The following PCNT variants were observed in gnomAD, a reference collection of about 807,000 sequenced individuals.
PCNT encodes kendrin.
Under a neutral mutation model 380.4 loss-of-function variants are expected in PCNT, and 319 were observed. The ratio of observed to expected loss-of-function variants is 0.84; its 90% CI spans 0.77 to 0.92. The LOEUF is 0.92. PCNT is among the 40% of genes least tolerant of loss of function. The pLI, the probability that PCNT is intolerant of heterozygous loss-of-function variation, is 0.00. For missense variants in PCNT, 4,400 were observed against 4,255.3 expected, an observed-to-expected ratio of 1.03 and a Z score of -0.95; for synonymous variants, 1,845 against 1,735.2, an observed-to-expected ratio of 1.06 and a Z score of -1.57.
intron 15 of PCNT, among the ~76,000 whole-genome samples, chr21:46,379,112 T>C (rs1476273640): frequency 6.6e-6 from 1 of 152,214 alleles, no homozygotes; most frequent in Non-Finnish European, 1.5e-5. Context: ...CTTTTGTTTT[T>C]GTGGGAATGT....
intron 6 of PCNT, 43 bp downstream of exon 6, chr21:46,347,555 G>C (rs1205604935): frequency 6.3e-7 from 1 of 1,593,714 alleles, no homozygotes; most frequent in Admixed American, 1.7e-5. Flanking sequence ...TGTGTATGTT[G>C]TTTTTCCTTT....
At chr21:46,391,514 T>G (rs1406614575) in intron 21 of PCNT, 138 bp downstream of exon 21, 2 of 716,424 alleles carry the variant, frequency 2.8e-6, no homozygotes, top group Admixed American at 2.7e-5. Context: ...CCTGGAACAC[T>G]GGGCATGGGA....
Position 46,441,064 on chromosome 21 carries a change from G to A in PCNT, c.9603G>A (p.Arg3201=). The A allele has an allele frequency of 6.2e-7, 1 of 1,612,680 alleles. No homozygotes were observed. The highest frequency in any genetic ancestry group is 8.5e-7 in the Non-Finnish European group (1 of 1,178,640). The part of the protein sequence containing the change: ...RPFTRFRTAV[R]VVIAILRLRF... The stretch of plus-strand genomic sequence containing the variant: ...TCACCAGGTTCCGCACGGCCGTCAG[G>A]GTGGTCATTGCAATATTAAGGTAAA... The change falls in exon 43 of 47, where the codon AGG becomes AGA. Residue 3201 remains arginine, a synonymous_variant. Transcript: ENST00000359568.
rs758836598 is a variant in PCNT, at chr21:46,431,832, C to T, written c.8368C>T (p.Leu2790=). The part of the protein sequence containing the change: ...VHQDTQAHHA[L]LQKLKEEKSR... ...CCAGGACACACAGGCCCATCACGCTCTGCTGCAGAAGCTGAAGGAGGAGAA... is the reference window on the plus strand; with the variant it reads ...CCAGGACACACAGGCCCATCACGCTTTGCTGCAGAAGCTGAAGGAGGAGAA... Residue 2790 remains leucine (L), a synonymous_variant, in exon 38 of 47, where the codon CTG becomes TTG. Coordinates refer to ENST00000359568, the MANE Select transcript of PCNT (RefSeq NM_006031.6). 2 of 1,613,826 alleles carry T rather than the reference C, an allele frequency of 1.2e-6. No individual in the cohort carries two copies. The highest frequency in any genetic ancestry group is 1.7e-5 in the Admixed American group (1 of 60,008).
intron 15 of PCNT, among the ~76,000 whole-genome samples, chr21:46,374,224 C>T (rs570733611): frequency 6.6e-6 from 1 of 152,238 alleles, no homozygotes; most frequent in African/African-American, 2.4e-5. Flanking sequence ...ATACATCAGT[C>T]CCCCTCTCCT....
intron 45 of PCNT, 84 bp from the exon 46 acceptor site, chr21:46,444,610 C>T: frequency 6.7e-7 from 1 of 1,489,556 alleles, no homozygotes; most frequent in Non-Finnish European, 9.2e-7. Context: ...CTTTCTTCTG[C>T]ACTCAGTCAC....
intron 16 of PCNT, among the ~76,000 whole-genome samples, chr21:46,385,522 TG>T (rs1184620358): frequency 1.3e-5 from 2 of 152,236 alleles, no homozygotes; most frequent in African/African-American, 4.8e-5. Context: ...TTGTAAATGA[TG>T]AATAATGGAG....
chr21:46,421,485 T>C (rs967869239), intron 31 of PCNT, among the ~76,000 whole-genome samples: 2 of 152,154 alleles, frequency 1.3e-5, no homozygotes, highest in Non-Finnish European at 2.9e-5. Context: ...TGAGACCCCA[T>C]GCCCACCTGA....
intron 10 of PCNT, 87 bp downstream of exon 10, chr21:46,353,413 T>C: frequency 9.1e-7 from 1 of 1,099,784 alleles, no homozygotes; most frequent in African/African-American, 1.5e-5. Flanking sequence ...GGTGATTTCA[T>C]GCTAGTAGGC....
chr21:46,429,954 C>CAT (rs1277549462), intron 35 of PCNT, 56 bp from the exon 36 acceptor site: 1 of 1,443,972 alleles, frequency 6.9e-7, no homozygotes, highest in African/African-American at 1.4e-5. Context: ...CCTGGTGTCA[C>CAT]TTGTGCAGCA....
intron 21 of PCNT, 79 bp from the exon 22 acceptor site, chr21:46,397,186 C>T: frequency 9.0e-6 from 10 of 1,112,108 alleles, no homozygotes; most frequent in African/African-American, 1.5e-5. Context: ...GACTGAATCA[C>T]CATCAGGAGA....
At chr21:46,381,966 C>A in intron 16 of PCNT, 126 bp downstream of exon 16, 1 of 978,234 alleles carries the variant, frequency 1.0e-6, no homozygotes, top group Non-Finnish European at 1.6e-6. Context: ...TAGTGTTGTA[C>A]ATTCAGTGGC....
At position 46,427,703 on chromosome 21, in the gene PCNT, C is replaced by G; in HGVS notation, c.7402C>G (p.Gln2468Glu). 2.5e-6 allele frequency: 4 copies of G among 1,613,844 alleles called. No individual in the cohort carries two copies. Among genetic ancestry groups the G allele is most frequent in the Non-Finnish European group, 3.4e-6 (4 of 1,179,988 alleles). The change falls in exon 34 of 47, where the codon CAG (glutamine) becomes GAG (glutamate). Residue 2468 changes from glutamine (Q) to glutamate (E), a missense_variant. By Grantham distance (29) the Gln-to-Glu change is conservative (BLOSUM62 2). Transcript: ENST00000359568. Reference sequence around the variant, plus strand: ...GGCCTTTGAAAAAGAGCAGGAGATGCAGGGGGTTGAGCTGCAGCCCCGACT... The same window carrying G: ...GGCCTTTGAAAAAGAGCAGGAGATGGAGGGGGTTGAGCTGCAGCCCCGACT... ...QEAFEKEQEMQGVELQPRLSG... is the reference protein window; with the variant it reads ...QEAFEKEQEMEGVELQPRLSG...
At chr21:46,435,761 C>T (rs1355076924) in intron 38 of PCNT, 143 bp from the exon 39 acceptor site, 2 of 853,330 alleles carry the variant, frequency 2.3e-6, no homozygotes, top group East Asian at 2.6e-5. Flanking sequence ...CCAGCATGGT[C>T]TCAATCTCCT....
intron 3 of PCNT, among the ~76,000 whole-genome samples, chr21:46,336,247 GA>G (rs574306233): frequency 9.1e-4 from 139 of 152,360 alleles, no homozygotes; most frequent in African/African-American, 3.2e-3. Context: ...CAAGTGCTGG[GA>G]TTACAGGCGT....
At chr21:46,439,583 T>C (rs1213320191) in intron 41 of PCNT, among the ~76,000 whole-genome samples, 1 of 152,188 alleles carries the variant, frequency 6.6e-6, no homozygotes, top group African/African-American at 2.4e-5. Context: ...CATCCTGTAT[T>C]GTTTAGGGTG....
chr21:46,324,568 G>GGT lies in PCNT; in HGVS notation c.54+287_54+288insTG, dbSNP rs369407858. Among the ~76,000 whole-genome samples the GGT allele has an allele frequency of 0.35, 52,579 of 148,620 alleles. 9,882 individuals are homozygous for GGT. Among genetic ancestry groups the GGT allele is most frequent in the Middle Eastern group, 0.52 (149 of 288 alleles). ...GGGCGGGGCTGCGCCTGCGTCGGGGGGGGTGGGGCGCGGGCTGGGCGCGGT... is the reference window on the plus strand; with the variant it reads ...GGGCGGGGCTGCGCCTGCGTCGGGGGGTGGGTGGGGCGCGGGCTGGGCGCGGT... On this transcript the variant is annotated intron_variant, in intron 1 of 46. Transcript: ENST00000359568.
chr21:46,442,201 G>C (rs922733461), intron 43 of PCNT, among the ~76,000 whole-genome samples: 5 of 152,140 alleles, frequency 3.3e-5, no homozygotes, highest in Non-Finnish European at 5.9e-5. Context: ...GAGTCGTCCT[G>C]AGCTGGGCCA....
chr21:46,413,448 T>C (rs945636033), intron 29 of PCNT, among the ~76,000 whole-genome samples: 1 of 152,120 alleles, frequency 6.6e-6, no homozygotes, highest in Non-Finnish European at 1.5e-5. Context: ...TCTGCTGAGG[T>C]GAGGAGCACA....
Sources: gnomAD v4.1 joint callset for allele counts (sites outside exome capture counted in the v4.1 genomes callset) on GRCh38, gnomAD v4.1.1 for gene constraint, MANE v1.5 for transcripts, NCBI Gene and HGNC (gene_info 2026-07-23, HGNC 2026-07-21) for gene names.